The following STXBP6 variants were observed in gnomAD, a reference collection of about 807,000 sequenced individuals.
The protein encoded by STXBP6 is syntaxin-binding protein 6.
A neutral mutation model predicts 26.9 loss-of-function variants in STXBP6; 21 were observed. The ratio of observed to expected loss-of-function variants is 0.78; its 90% CI spans 0.55 to 1.12. The LOEUF (loss-of-function observed/expected upper bound fraction) is 1.12. Among genes scored for constraint, STXBP6 ranks in the 50% most tolerant of loss-of-function variants. The pLI is 0.00. For synonymous variants in STXBP6, 97 were observed against 92.6 expected, an observed-to-expected ratio of 1.05 and a Z score of -0.27; for missense variants, 232 against 257.9, an observed-to-expected ratio of 0.90 and a Z score of 0.69.
chr14:25,026,164 C>T (rs952557341), intron 1 of STXBP6, among the ~76,000 whole-genome samples: 5 of 152,124 alleles, frequency 3.3e-5, no homozygotes, highest in African/African-American at 1.2e-4. Flanking sequence ...ATGTCTTATT[C>T]TTATCAGTAG....
At chr14:24,898,115 G>A (rs1346510139) in intron 2 of STXBP6, among the ~76,000 whole-genome samples, 1 of 152,188 alleles carries the variant, frequency 6.6e-6, no homozygotes, top group Non-Finnish European at 1.5e-5. Flanking sequence ...CCACAGATGA[G>A]GAAACTGAGG....
At chr14:25,001,380 T>G (rs973290515) in intron 1 of STXBP6, among the ~76,000 whole-genome samples, 1 of 152,202 alleles carries the variant, frequency 6.6e-6, no homozygotes, top group African/African-American at 2.4e-5. Flanking sequence ...GGAGTAGCTT[T>G]TAAAATTCAT....
intron 2 of STXBP6, among the ~76,000 whole-genome samples, chr14:24,970,057 C>T (rs2073856091): frequency 6.6e-6 from 1 of 152,104 alleles, no homozygotes; most frequent in Non-Finnish European, 1.5e-5. Flanking sequence ...GCTTGGCCAA[C>T]ATGGTGAAAC....
Position 24,986,516 on chromosome 14 carries a change from A to G in STXBP6, c.-32-11666T>C, listed in dbSNP as rs148786784. Among the ~76,000 whole-genome samples the G allele has an allele frequency of 7.2e-3, 1,091 of 152,258 alleles. 3 individuals carry two copies. The highest frequency in any genetic ancestry group is 0.012 in the Non-Finnish European group (848 of 68,010). ...GGTCTCCTGAAAGCACACACTAACC[A>G]TACCAGGAGCCTGGATCAGCTGTTG... On this transcript the variant is annotated intron_variant, in intron 1 of 5. Transcript: ENST00000323944.
At chr14:24,865,375 A>G (rs74343773) in intron 2 of STXBP6, among the ~76,000 whole-genome samples, 3,018 of 152,240 alleles carry the variant, frequency 0.02, 123 homozygotes, top group East Asian at 0.15. Flanking sequence ...TAACCCAGGA[A>G]GAGACTGGCA....
At chr14:25,032,605 A>G (rs2075479520) in intron 1 of STXBP6, among the ~76,000 whole-genome samples, 1 of 152,224 alleles carries the variant, frequency 6.6e-6, no homozygotes, top group Non-Finnish European at 1.5e-5. Flanking sequence ...CTGTCACCAC[A>G]GGGCCTATGC....
rs1029384713 is a variant in STXBP6 at position 25,036,925 on chromosome 14, A to G, written c.-33+12953T>C. On this transcript the variant is annotated intron_variant, in intron 1 of 5. Transcript: ENST00000323944. ...CTGGTCAGATTTTATGTAAGTATCC[A>G]CCCTGAAAAAGACCTGCTTTTTACA... Among the ~76,000 whole-genome samples, 47 of 151,784 alleles carry G rather than the reference A, an allele frequency of 3.1e-4. 1 individual carries two copies. Among genetic ancestry groups the G allele is most frequent in the Non-Finnish European group, 1.0e-4 (7 of 67,958 alleles).
At chr14:24,938,096 T>C (rs1377929853) in intron 2 of STXBP6, among the ~76,000 whole-genome samples, 5 of 152,180 alleles carry the variant, frequency 3.3e-5, no homozygotes, top group Admixed American at 3.3e-4. Flanking sequence ...AGAAATCACA[T>C]AAAACTTTAG....
chr14:25,044,696 G>A (rs1297703644), intron 1 of STXBP6, among the ~76,000 whole-genome samples: 1 of 152,202 alleles, frequency 6.6e-6, no homozygotes, highest in Non-Finnish European at 1.5e-5. Flanking sequence ...GCTCACTGCA[G>A]CCTTGACCTG....
At chr14:24,813,314 G>T (rs8018496) in intron 5 of STXBP6, among the ~76,000 whole-genome samples, 1 of 151,914 alleles carries the variant, frequency 6.6e-6, no homozygotes, top group Admixed American at 6.6e-5. Flanking sequence ...TGTAAAACAC[G>T]GTCTATTGAA....
intron 1 of STXBP6, among the ~76,000 whole-genome samples, chr14:25,011,258 GAC>G (rs2075022568): frequency 6.6e-6 from 1 of 152,056 alleles, no homozygotes; most frequent in African/African-American, 2.4e-5. Context: ...GACATATTAT[GAC>G]ACACAGGCTC....
At chr14:24,931,079 C>A (rs1292458644) in intron 2 of STXBP6, among the ~76,000 whole-genome samples, 3 of 134,538 alleles carry the variant, frequency 2.2e-5, no homozygotes. Context: ...CCACTGCAGT[C>A]CGCAGTCCGG....
rs1222863954 is a variant in STXBP6 at position 24,824,317 on chromosome 14, A to T, written c.452-5123T>A. Among the ~76,000 whole-genome samples, 2 of 152,266 alleles carry T rather than the reference A, an allele frequency of 1.3e-5. 1 individual carries two copies. The highest frequency in any genetic ancestry group is 3.9e-4 in the East Asian group (2 of 5,182). On this transcript the variant is annotated intron_variant, in intron 4 of 5. Coordinates refer to ENST00000323944, the MANE Select transcript of STXBP6 (RefSeq NM_001394410.1). ...AGTGGCTCTACTTCTGCCCCCATCCATGGTCATTCAGTTGCATGATAATCA... is the reference window on the plus strand; with the variant it reads ...AGTGGCTCTACTTCTGCCCCCATCCTTGGTCATTCAGTTGCATGATAATCA...
At chr14:24,867,376 A>G (rs1447235385) in intron 2 of STXBP6, among the ~76,000 whole-genome samples, 3 of 152,318 alleles carry the variant, frequency 2.0e-5, no homozygotes, top group African/African-American at 7.2e-5. Flanking sequence ...GCCTAGTTTC[A>G]GGTATTTTGC....
chr14:24,877,033 A>G (rs1214749981), intron 2 of STXBP6, among the ~76,000 whole-genome samples: 4 of 152,214 alleles, frequency 2.6e-5, no homozygotes, highest in African/African-American at 4.8e-5. Flanking sequence ...TTCAGCAGGT[A>G]TATATTTGGC....
chr14:24,957,987 G>C (rs1489508611), intron 2 of STXBP6, among the ~76,000 whole-genome samples: 1 of 152,106 alleles, frequency 6.6e-6, no homozygotes, highest in Admixed American at 6.6e-5. Flanking sequence ...CTCATATCAG[G>C]AAAGAGTGAT....
At chr14:24,921,455 C>T (rs8013397) in intron 2 of STXBP6, among the ~76,000 whole-genome samples, 151,939 of 152,308 alleles carry the variant, frequency 1, 75,787 homozygotes, top group Middle Eastern at 1. Flanking sequence ...CCAAAAAGCA[C>T]TGGCTTAATT....
At chr14:24,973,833 T>A (rs1040843028) in intron 2 of STXBP6, among the ~76,000 whole-genome samples, 1 of 152,194 alleles carries the variant, frequency 6.6e-6, no homozygotes, top group Non-Finnish European at 1.5e-5. Flanking sequence ...TTTAATTTTT[T>A]AAAAAGCTAG....
At chr14:24,888,583 C>T (rs371686275) in intron 2 of STXBP6, among the ~76,000 whole-genome samples, 3 of 152,050 alleles carry the variant, frequency 2.0e-5, no homozygotes, top group African/African-American at 7.2e-5. Context: ...ATTAGCTGGG[C>T]GTGGCAGCAT....
Sources: gnomAD v4.1 joint callset for allele counts (sites outside exome capture counted in the v4.1 genomes callset) on GRCh38, gnomAD v4.1.1 for gene constraint, MANE v1.5 for transcripts, NCBI Gene and HGNC (gene_info 2026-07-23, HGNC 2026-07-21) for gene names.